NTAQ1: variants seen among roughly 807,000 people sequenced by gnomAD.
The protein encoded by NTAQ1 is N-terminal glutamine amidase 1.
NTAQ1 carries 21 observed loss-of-function variants against 28.2 expected under a neutral mutation model. The ratio of observed to expected loss-of-function variants is 0.74; its 90% CI spans 0.53 to 1.07. NTAQ1 has a LOEUF of 1.07. Ranked by LOEUF, NTAQ1 falls within the 50% of genes least tolerant of loss-of-function variation. The pLI is 0.00. For synonymous variants in NTAQ1, 105 were observed against 90.0 expected (o/e 1.17, Z -0.94); for missense variants, 264 against 256.6 (o/e 1.03, Z -0.20).
upstream of NTAQ1, chr8:123,416,767 G>T: frequency 7.9e-7 from 1 of 1,265,154 alleles, no homozygotes. Context: ...GGGAACCCAC[G>T]CGGGCCACTA....
rs1814724477 is a variant in NTAQ1, at chr8:123,436,533, C to T, written c.315C>T (p.Pro105=). ...IYDLDTVLPF[P]CLFDTYVEDA... ...ATCTCGATACTGTCTTGCCATTTCC[C>T]TGCCTCTTTGACACTTATGTAGAAG... Residue 105 remains proline, a synonymous_variant, in exon 4 of 6, where the codon CCC becomes CCT. Coordinates refer to ENST00000287387, the MANE Select transcript of NTAQ1 (RefSeq NM_018024.3). 3.1e-6 allele frequency: 5 copies of T among 1,613,930 alleles called. No individual in the cohort carries two copies. The South Asian group carries it at 4.4e-5, about 14-fold the overall frequency.
At chr8:123,471,150 C>T (rs1382816753), downstream of NTAQ1, among the ~76,000 whole-genome samples, 2 of 151,518 alleles carry the variant, frequency 1.3e-5, no homozygotes, top group Non-Finnish European at 2.9e-5. Flanking sequence ...AGGCTGGTCT[C>T]GAACTGCTGG....
downstream of NTAQ1, among the ~76,000 whole-genome samples, chr8:123,445,174 C>T (rs181234482): frequency 2.8e-4 from 43 of 152,164 alleles, no homozygotes; most frequent in Admixed American, 2.6e-3. Flanking sequence ...TGTTCCCACC[C>T]AGAAATAACC....
At chr8:123,464,574 C>G (rs910776976) in intron 6 of NTAQ1, among the ~76,000 whole-genome samples, 1 of 152,168 alleles carries the variant, frequency 6.6e-6, no homozygotes, top group African/African-American at 2.4e-5. Flanking sequence ...CCACCTTCAC[C>G]TCAAGGGTAC....
chr8:123,426,921 C>A (rs1339178503), intron 1 of NTAQ1, among the ~76,000 whole-genome samples: 1 of 152,168 alleles, frequency 6.6e-6, no homozygotes, highest in African/African-American at 2.4e-5. Context: ...GATCACACCA[C>A]TGCACTCCAT....
At chr8:123,417,773 C>T (rs1272442503) in intron 1 of NTAQ1, among the ~76,000 whole-genome samples, 1 of 152,092 alleles carries the variant, frequency 6.6e-6, no homozygotes, top group Non-Finnish European at 1.5e-5. Context: ...ATGTCAGGCT[C>T]AGTGGCAGGT....
At chr8:123,456,964 G>A (rs1815667002) in intron 6 of NTAQ1, among the ~76,000 whole-genome samples, 1 of 152,192 alleles carries the variant, frequency 6.6e-6, no homozygotes, top group African/African-American at 2.4e-5. Context: ...ACAACAGGAA[G>A]TTGGAAACCA....
intron 1 of NTAQ1, among the ~76,000 whole-genome samples, chr8:123,419,254 A>G (rs960287737): frequency 6.6e-6 from 1 of 151,934 alleles, no homozygotes; most frequent in Non-Finnish European, 1.5e-5. Context: ...ACCCACCACC[A>G]TGCCCAGCTA....
intron 6 of NTAQ1, among the ~76,000 whole-genome samples, chr8:123,457,949 G>A (rs1334292941): frequency 4.0e-5 from 6 of 149,628 alleles, no homozygotes; most frequent in Admixed American, 3.4e-4. Flanking sequence ...CAGGAAAATC[G>A]CTTGAACCCG....
chr8:123,429,124 G>A (rs753939346), intron 2 of NTAQ1, among the ~76,000 whole-genome samples: 22 of 152,256 alleles, frequency 1.4e-4, no homozygotes, highest in Non-Finnish European at 2.9e-4. Context: ...TGTGAAGCAG[G>A]CAATATTTGG....
At chr8:123,428,624 G>A (rs914543395) in intron 2 of NTAQ1, among the ~76,000 whole-genome samples, 3 of 150,804 alleles carry the variant, frequency 2.0e-5, no homozygotes, top group African/African-American at 2.4e-5. Context: ...TTTTTGGTAC[G>A]GAGTCTCACT....
intron 5 of NTAQ1, chr8:123,438,328 C>A: frequency 1.7e-6 from 1 of 599,030 alleles, no homozygotes; most frequent in Admixed American, 2.7e-5. Flanking sequence ...GTGAGCTCTG[C>A]AGCATGTCAG....
At chr8:123,426,826 G>A (rs1427031348) in intron 1 of NTAQ1, among the ~76,000 whole-genome samples, 1 of 152,094 alleles carries the variant, frequency 6.6e-6, no homozygotes, top group African/African-American at 2.4e-5. Context: ...TGGGTGTGGT[G>A]CTGCACGCCT....
chr8:123,423,205 T>G (rs906553841), intron 1 of NTAQ1, among the ~76,000 whole-genome samples: 1 of 151,502 alleles, frequency 6.6e-6, no homozygotes, highest in Non-Finnish European at 1.5e-5. Flanking sequence ...TTCCTTCCTT[T>G]CCCTCCCTCC....
intron 6 of NTAQ1, among the ~76,000 whole-genome samples, chr8:123,464,836 G>A (rs1235580617): frequency 3.3e-5 from 5 of 152,112 alleles, no homozygotes; most frequent in African/African-American, 7.2e-5. Context: ...TCAGGAGTTC[G>A]AGACCAGCCT....
At chr8:123,446,203 A>T (rs989409999), downstream of NTAQ1, among the ~76,000 whole-genome samples, 2 of 151,690 alleles carry the variant, frequency 1.3e-5, no homozygotes, top group African/African-American at 4.8e-5. Context: ...ACAGAGGTTC[A>T]CCATGTTGGC....
At chr8:123,459,019 A>C (rs1195726852) in intron 6 of NTAQ1, among the ~76,000 whole-genome samples, 4 of 151,846 alleles carry the variant, frequency 2.6e-5, no homozygotes, top group African/African-American at 9.7e-5. Flanking sequence ...CGGAGGTTGC[A>C]GTGAGCCGAG....
At chr8:123,420,499 TC>T (rs1489057393) in intron 1 of NTAQ1, among the ~76,000 whole-genome samples, 1 of 152,060 alleles carries the variant, frequency 6.6e-6, no homozygotes, top group Non-Finnish European at 1.5e-5. Context: ...CAAACTGCTT[TC>T]CACAGTGGCT....
chr8:123,420,223 T>C lies in NTAQ1; in HGVS notation c.83+3291T>C, dbSNP rs141893348. Among the ~76,000 whole-genome samples the C allele has an allele frequency of 9.8e-3, 1,495 of 152,282 alleles. 19 individuals carry two copies. Among genetic ancestry groups the C allele is most frequent in the Non-Finnish European group, 0.014 (977 of 68,016 alleles). ...GGATATTGGCCTCCAGCTCCATCCA[T>C]GTTGCTGCAAATGACATGATTTTTG... On this transcript the variant is annotated intron_variant, in intron 1 of 5. Transcript: ENST00000287387.
Sources: gnomAD v4.1 joint callset for allele counts (sites outside exome capture counted in the v4.1 genomes callset) on GRCh38, gnomAD v4.1.1 for gene constraint, MANE v1.5 for transcripts, NCBI Gene and HGNC (gene_info 2026-07-23, HGNC 2026-07-21) for gene names.